The following LRBA variants were observed in gnomAD, a reference collection of about 807,000 sequenced individuals.
The protein encoded by LRBA is lipopolysaccharide-responsive and beige-like anchor protein.
LRBA carries 176 observed loss-of-function variants against 330.0 expected under a neutral mutation model. That is an observed-to-expected ratio of 0.53 (90% CI 0.47 to 0.60). The LOEUF (loss-of-function observed/expected upper bound fraction) is 0.60, where lower values mean the gene tolerates loss of function less well. Among genes scored for constraint, LRBA ranks in the 20% least tolerant of loss-of-function variants. The pLI is 0.00. For synonymous variants in LRBA, 1,230 were observed against 1,193.0 expected (o/e 1.03, Z -0.64); for missense variants, 3,259 against 3,444.8 (o/e 0.95, Z 1.35).
intron 37 of LRBA, among the ~76,000 whole-genome samples, chr4:150,630,039 C>G (rs532694053): frequency 1.4e-4 from 21 of 152,290 alleles, no homozygotes; most frequent in African/African-American, 4.8e-4. Flanking sequence ...CCACCCCCAT[C>G]ATGTTGACAC....
chr4:150,492,001 A>G (rs1489460015), intron 40 of LRBA, among the ~76,000 whole-genome samples: 1 of 152,124 alleles, frequency 6.6e-6, no homozygotes, highest in Non-Finnish European at 1.5e-5. Context: ...ATTACAAATG[A>G]AACATTTGAT....
At chr4:150,391,564 G>A (rs1743936521) in intron 47 of LRBA, among the ~76,000 whole-genome samples, 2 of 152,096 alleles carry the variant, frequency 1.3e-5, no homozygotes, top group Non-Finnish European at 2.9e-5. Flanking sequence ...TCAACAAACT[G>A]TTACTAGATT....
chr4:150,516,443 T>C (rs956895706), intron 40 of LRBA, among the ~76,000 whole-genome samples: 1 of 151,880 alleles, frequency 6.6e-6, no homozygotes, highest in African/African-American at 2.4e-5. Flanking sequence ...CTAAAAAATA[T>C]TTATACCTAT....
At chr4:150,791,028 G>C (rs1739830573) in intron 34 of LRBA, among the ~76,000 whole-genome samples, 1 of 152,120 alleles carries the variant, frequency 6.6e-6, no homozygotes, top group Non-Finnish European at 1.5e-5. Context: ...AACACATCAA[G>C]AAGGAATTAA....
At chr4:150,954,326 AG>A (rs1379790859) in intron 2 of LRBA, among the ~76,000 whole-genome samples, 2 of 151,326 alleles carry the variant, frequency 1.3e-5, no homozygotes, top group African/African-American at 4.9e-5. Flanking sequence ...CAAATAGAAA[AG>A]GGGGAAATGT....
intron 37 of LRBA, among the ~76,000 whole-genome samples, chr4:150,651,507 A>G (rs939776168): frequency 3.9e-5 from 6 of 152,184 alleles, no homozygotes; most frequent in Admixed American, 1.3e-4. Context: ...GAGTTCATTC[A>G]TTCATTGGTT....
chr4:150,413,505 C>A (rs1240702142), intron 47 of LRBA, among the ~76,000 whole-genome samples: 2 of 152,046 alleles, frequency 1.3e-5, no homozygotes, highest in Non-Finnish European at 2.9e-5. Context: ...CAAAAAACAT[C>A]ATGCTAACTG....
At chr4:150,999,881 C>A (rs1008090519) in intron 2 of LRBA, among the ~76,000 whole-genome samples, 1 of 152,112 alleles carries the variant, frequency 6.6e-6, no homozygotes, top group Non-Finnish European at 1.5e-5. Context: ...TCTTATGAAA[C>A]ATAAACAGTA....
intron 38 of LRBA, among the ~76,000 whole-genome samples, chr4:150,597,336 T>A (rs2126500038): frequency 6.6e-6 from 1 of 152,004 alleles, no homozygotes; most frequent in Admixed American, 6.5e-5. Flanking sequence ...TCATTAAAAA[T>A]CCTGTAACTC....
At chr4:150,459,163 A>G (rs760380957) in intron 44 of LRBA, among the ~76,000 whole-genome samples, 1 of 151,906 alleles carries the variant, frequency 6.6e-6, no homozygotes, top group Non-Finnish European at 1.5e-5. Flanking sequence ...TTCTAATAGC[A>G]TGACAGCAGA....
chr4:150,815,842 T>C (rs1246177556), intron 31 of LRBA, among the ~76,000 whole-genome samples: 1 of 151,952 alleles, frequency 6.6e-6, no homozygotes, highest in Non-Finnish European at 1.5e-5. Context: ...AATTATACAG[T>C]ACGTAAAGAA....
chr4:150,929,140 A>G, intron 2 of LRBA, 75 bp from the exon 3 acceptor site: 1 of 881,504 alleles, frequency 1.1e-6, no homozygotes, highest in Admixed American at 2.3e-5. Context: ...CCTAAACATT[A>G]GATTAACAAT....
chr4:150,741,702 G>C (rs1027500545), intron 35 of LRBA, among the ~76,000 whole-genome samples: 1 of 152,078 alleles, frequency 6.6e-6, no homozygotes. Flanking sequence ...TCAATATTAT[G>C]CATAACAATA....
At chr4:150,404,890 A>G (rs547414052) in intron 47 of LRBA, among the ~76,000 whole-genome samples, 2 of 152,208 alleles carry the variant, frequency 1.3e-5, no homozygotes, top group Non-Finnish European at 2.9e-5. Context: ...ATCTAGCACA[A>G]TAACATGTCA....
intron 30 of LRBA, among the ~76,000 whole-genome samples, chr4:150,825,891 AG>A (rs1274374867): frequency 6.6e-6 from 1 of 152,182 alleles, no homozygotes; most frequent in African/African-American, 2.4e-5. Flanking sequence ...CCATTTCCAA[AG>A]AAATTAATCC....
chr4:150,293,199 AC>A (rs1293761352), intron 53 of LRBA, among the ~76,000 whole-genome samples: 3 of 152,224 alleles, frequency 2.0e-5, no homozygotes, highest in Admixed American at 2.0e-4. Context: ...ACAATTGATT[AC>A]TACAAAACAT....
At chr4:150,319,401 C>T (rs1448527947) in intron 50 of LRBA, among the ~76,000 whole-genome samples, 13 of 152,162 alleles carry the variant, frequency 8.5e-5, no homozygotes, top group Admixed American at 7.2e-4. Context: ...TAAGGGTAAC[C>T]GCACATAGAG....
At chr4:150,641,274 C>T (rs995150912) in intron 37 of LRBA, among the ~76,000 whole-genome samples, 1 of 152,098 alleles carries the variant, frequency 6.6e-6, no homozygotes, top group Non-Finnish European at 1.5e-5. Flanking sequence ...TTTATATTCC[C>T]TAACAATTTT....
At chr4:150,487,894 C>T (rs1758079800) in intron 41 of LRBA, 60 bp from the exon 42 acceptor site, 1 of 795,770 alleles carries the variant, frequency 1.3e-6, no homozygotes, top group South Asian at 1.9e-5. Context: ...GGAAAACTGA[C>T]TCCTTGGTCC....
Sources: allele counts gnomAD v4.1 joint callset (sites outside exome capture counted in the v4.1 genomes callset), GRCh38; gene constraint gnomAD v4.1.1; transcripts MANE v1.5; gene names NCBI Gene and HGNC (gene_info 2026-07-23, HGNC 2026-07-21).